The following LRRC53 variants were observed in gnomAD, a reference collection of about 807,000 sequenced individuals.
The protein encoded by LRRC53 is leucine rich repeat containing 53.
LRRC53 carries 25 observed loss-of-function variants against 13.6 expected under a neutral mutation model. The observed-to-expected ratio is 1.83, with a 90% CI of 1.34 to 2.56. LRRC53 has a LOEUF of 2.56. Among genes scored for constraint, LRRC53 ranks in the 30% most tolerant of loss-of-function variants. The pLI is 0.00. For missense variants in LRRC53, 527 were observed against 275.8 expected (o/e 1.91, Z -6.45); for synonymous variants, 204 against 109.8 (o/e 1.86, Z -5.37).
chr1:74,534,195 A>G, the LRRC53 span, among the ~76,000 whole-genome samples: 6 of 138,590 alleles, frequency 4.3e-5, no homozygotes, highest in East Asian at 9.2e-4. Context: ...ATTTAAAACA[A>G]TTCTCTGTAA....
Position 74,480,615 on chromosome 1 carries a change from C to A in LRRC53, c.442G>T (p.Asp148Tyr). 1.4e-6 allele frequency: 1 copy of A among 717,238 alleles called. No individual in the cohort carries two copies. The highest frequency in any genetic ancestry group is 2.6e-6 in the Non-Finnish European group (1 of 385,090). 44.4% of individuals were successfully genotyped at this position (717,238 alleles called of 1,614,324 possible). A position where few individuals can be genotyped will look rare whatever the true frequency, so the allele number is the denominator to read the frequency against. Residue 148 changes from aspartate to tyrosine, a missense_variant, in exon 3 of 5, where the codon GAC becomes TAC. Asp to Tyr is a radical substitution (Grantham distance 160). Coordinates refer to ENST00000294635, the MANE Select transcript of LRRC53 (RefSeq NM_001382280.1). The stretch of plus-strand genomic sequence containing the variant: ...AGATTCGTGCCTCCGAAAGAACTGT[C>A]TGTGAGATTAGTAATCTGATTCCCA... ...LDGNQITNLT[D>Y]SSFGGTNLHS...
chr1:74,505,676 A>T (rs1270169934), intron 1 of LRRC53, among the ~76,000 whole-genome samples: 1 of 152,206 alleles, frequency 6.6e-6, no homozygotes, highest in African/African-American at 2.4e-5. Context: ...TTCTTGTAAA[A>T]AAACACATTA....
At chr1:74,498,729 C>T (rs1669460436) in intron 1 of LRRC53, among the ~76,000 whole-genome samples, 1 of 151,846 alleles carries the variant, frequency 6.6e-6, no homozygotes, top group African/African-American at 2.4e-5. Flanking sequence ...TCCAGTCTTC[C>T]CCCCGACTAT....
At chr1:74,490,522 T>G (rs1669014290) in intron 1 of LRRC53, among the ~76,000 whole-genome samples, 1 of 152,178 alleles carries the variant, frequency 6.6e-6, no homozygotes, top group Non-Finnish European at 1.5e-5. Context: ...CTTGTCTTAT[T>G]GTAATATATT....
chr1:74,490,050 TAAAAAAAAAAA>T (rs36063099), intron 1 of LRRC53, among the ~76,000 whole-genome samples: 2 of 42,892 alleles, frequency 4.7e-5, no homozygotes, highest in East Asian at 1.5e-3. Context: ...TTTTTTTTTC[TAAAAAAAAAAA>T]AAAAAAAAAA....
At chr1:74,490,050 T>TAAA (rs36063099) in intron 1 of LRRC53, among the ~76,000 whole-genome samples, 5 of 42,880 alleles carry the variant, frequency 1.2e-4, no homozygotes, top group Admixed American at 2.6e-4. Context: ...TTTTTTTTTC[T>TAAA]AAAAAAAAAA....
At chr1:74,509,033 G>C (rs2100371054) in intron 1 of LRRC53, among the ~76,000 whole-genome samples, 1 of 152,280 alleles carries the variant, frequency 6.6e-6, no homozygotes, top group South Asian at 2.1e-4. Flanking sequence ...CTGAGGGTGA[G>C]AAATGAAAGC....
the LRRC53 span, among the ~76,000 whole-genome samples, chr1:74,530,188 G>A: frequency 6.6e-6 from 1 of 152,178 alleles, no homozygotes; most frequent in Admixed American, 6.5e-5. Context: ...TCACACTCAT[G>A]TCTGTATTCC....
intron 3 of LRRC53, 33 bp from the exon 4 acceptor site, chr1:74,475,843 C>G: frequency 1.8e-6 from 1 of 540,834 alleles, no homozygotes; most frequent in Admixed American, 3.4e-5. Flanking sequence ...TAAAAGATAA[C>G]ATCTTGGGAA....
At chr1:74,508,581 A>G (rs1038126900) in intron 1 of LRRC53, among the ~76,000 whole-genome samples, 1 of 152,226 alleles carries the variant, frequency 6.6e-6, no homozygotes, top group Non-Finnish European at 1.5e-5. Flanking sequence ...GCCAGGAGGC[A>G]GACTGCATTC....
intron 1 of LRRC53, among the ~76,000 whole-genome samples, chr1:74,488,214 TAGC>T (rs1668866908): frequency 6.6e-6 from 1 of 152,156 alleles, no homozygotes; most frequent in South Asian, 2.1e-4. Flanking sequence ...CATTTGGAAG[TAGC>T]AGTGACAGCA....
chr1:74,480,842 A>G lies in LRRC53; in HGVS notation c.215T>C (p.Val72Ala). The G allele has an allele frequency of 1.4e-6, 1 of 717,502 alleles. No homozygotes were observed. The allele number at this position is 717,502 out of a possible 1,614,324, so 44.4% of individuals were successfully genotyped here. Residue 72 changes from valine to alanine, a missense_variant, in exon 3 of 5, where the codon GTT becomes GCT. Transcript: ENST00000294635. Reference sequence around the variant, plus strand: ...AAGCCCATGCAGGGCATCTTCCTGAACATCCTCGATACCATTTCTGCTTAG... The same window carrying G: ...AAGCCCATGCAGGGCATCTTCCTGAGCATCCTCGATACCATTTCTGCTTAG... ...LSLSRNGIED[V>A]QEDALHGLTM...
chr1:74,525,728 G>C, the LRRC53 span, among the ~76,000 whole-genome samples: 1 of 152,192 alleles, frequency 6.6e-6, no homozygotes, highest in Non-Finnish European at 1.5e-5. Flanking sequence ...CAAGGCCACA[G>C]AGAACTTCTT....
chr1:74,486,623 G>A (rs1389934181), intron 1 of LRRC53, among the ~76,000 whole-genome samples: 1 of 151,330 alleles, frequency 6.6e-6, no homozygotes, highest in African/African-American at 2.4e-5. Flanking sequence ...GAAAGTACTG[G>A]GCTAGAGATA....
chr1:74,480,209 C>T lies in LRRC53; in HGVS notation c.848G>A (p.Arg283Lys), dbSNP rs1331504511. The change falls in exon 3 of 5, where the codon AGA becomes AAA. Residue 283 changes from arginine to lysine, a missense_variant. Physicochemically the swap from Arg to Lys is conservative, Grantham distance 26. Transcript: ENST00000294635. ...APNFTLVLKD[R>K]SPLLPGPDVA... ...ATCTGGTCCTGGGAGGAGGGGACTT[C>T]TGTCCTTTAGAACCAGAGTGAAGTT... is the stretch of plus-strand genomic sequence containing the variant. 3 of 717,546 alleles carry T rather than the reference C, an allele frequency of 4.2e-6. No homozygotes were observed. The highest frequency in any genetic ancestry group is 1.7e-5 in the African/African-American group (1 of 57,412). 44.4% of individuals were successfully genotyped at this position (717,546 alleles called of 1,614,324 possible).
the LRRC53 span, among the ~76,000 whole-genome samples, chr1:74,525,129 A>G: frequency 1.3e-5 from 2 of 152,346 alleles, no homozygotes; most frequent in African/African-American, 2.4e-5. Context: ...TTGGGGAGAG[A>G]GAAGCTGAGG....
chr1:74,482,917 T>C (rs1478456335), intron 2 of LRRC53, among the ~76,000 whole-genome samples: 1 of 152,214 alleles, frequency 6.6e-6, no homozygotes, highest in Non-Finnish European at 1.5e-5. Flanking sequence ...TTCTGATTCA[T>C]TGATATTTCT....
At chr1:74,505,255 AGG>A in intron 1 of LRRC53, among the ~76,000 whole-genome samples, 1 of 152,328 alleles carries the variant, frequency 6.6e-6, no homozygotes, top group African/African-American at 2.4e-5. Flanking sequence ...GGACAAGCAC[AGG>A]GACCAAAGAG....
intron 1 of LRRC53, 46 bp from the exon 2 acceptor site, chr1:74,483,421 A>G: frequency 9.9e-6 from 7 of 705,272 alleles, no homozygotes; most frequent in Admixed American, 2.0e-5. Flanking sequence ...GTTGGCATTC[A>G]CTGTCCATTA....
Sources: allele counts gnomAD v4.1 joint callset (sites outside exome capture counted in the v4.1 genomes callset), GRCh38; gene constraint gnomAD v4.1.1; transcripts MANE v1.5; gene names NCBI Gene and HGNC (gene_info 2026-07-23, HGNC 2026-07-21).